Variants in TRHDE observed in about 807,000 individuals in gnomAD.
The protein encoded by TRHDE is thyrotropin releasing hormone degrading enzyme.
A neutral mutation model predicts 125.7 loss-of-function variants in TRHDE; 72 were observed. The ratio of observed to expected loss-of-function variants is 0.57; its 90% CI spans 0.47 to 0.70. TRHDE has a LOEUF of 0.70. Among genes scored for constraint, TRHDE ranks in the 30% least tolerant of loss-of-function variants. The probability of loss-of-function intolerance (pLI) is 0.00; values close to 1 mark genes in which losing one functional copy is unlikely to be tolerated. For missense variants in TRHDE, 1,110 were observed against 1,327.1 expected, an observed-to-expected ratio of 0.84 and a Z score of 2.54; for synonymous variants, 509 against 509.1, an observed-to-expected ratio of 1.00 and a Z score of 0.00.
At chr12:72,277,105 C>G (rs975203661) in intron 1 of TRHDE, among the ~76,000 whole-genome samples, 3 of 152,074 alleles carry the variant, frequency 2.0e-5, no homozygotes, top group Non-Finnish European at 4.4e-5. Flanking sequence ...TTAATAGGGT[C>G]TATAACATGC....
intron 2 of TRHDE, among the ~76,000 whole-genome samples, chr12:72,375,155 G>A (rs1043337883): frequency 6.6e-6 from 1 of 151,956 alleles, no homozygotes; most frequent in Non-Finnish European, 1.5e-5. Context: ...GGAAGGGAGG[G>A]TACATTGTTA....
chr12:72,121,714 A>G (rs999685900), intron 2 of TRHDE, among the ~76,000 whole-genome samples: 2 of 144,344 alleles, frequency 1.4e-5, no homozygotes, highest in African/African-American at 5.1e-5. Context: ...GTATTTACGA[A>G]GGTGCCTTTT....
chr12:72,511,364 G>T (rs1345523057), intron 6 of TRHDE, among the ~76,000 whole-genome samples: 1 of 152,002 alleles, frequency 6.6e-6, no homozygotes, highest in Non-Finnish European at 1.5e-5. Context: ...AGAACTACTA[G>T]CTTCTTAGGT....
rs188533677 is a variant in TRHDE at position 72,653,169 on chromosome 12, A to C, written c.2984+13A>C. ...TATTAAATACCAGGTAGAAATTAGA[A>C]TTCTTACTTGAATGAGTAAATTAAA... On this transcript the variant is annotated intron_variant, in intron 17 of 18. Coordinates refer to ENST00000261180, the MANE Select transcript of TRHDE (RefSeq NM_013381.3). The C allele has an allele frequency of 2.3e-5, 37 of 1,600,602 alleles. No homozygotes were observed. In the African/African-American group the frequency reaches 4.6e-4, roughly 20 times the overall value.
intron 15 of TRHDE, among the ~76,000 whole-genome samples, chr12:72,638,739 T>G (rs979728662): frequency 6.6e-6 from 1 of 151,638 alleles, no homozygotes; most frequent in Non-Finnish European, 1.5e-5. Context: ...GTCTGTAAAG[T>G]ATTTTATTTC....
intron 5 of TRHDE, among the ~76,000 whole-genome samples, chr12:72,490,008 TA>T (rs1161759209): frequency 6.6e-6 from 1 of 151,588 alleles, no homozygotes; most frequent in East Asian, 1.9e-4. Context: ...TACATCAAAC[TA>T]AAAAGCTTCT....
chr12:72,198,369 T>C (rs902737681), intron 2 of TRHDE, among the ~76,000 whole-genome samples: 3 of 152,136 alleles, frequency 2.0e-5, no homozygotes, highest in African/African-American at 7.2e-5. Context: ...TAATTGTCAA[T>C]TTTAAAATAA....
chr12:72,455,856 T>C (rs1875816875), intron 3 of TRHDE, among the ~76,000 whole-genome samples: 1 of 151,998 alleles, frequency 6.6e-6, no homozygotes, highest in African/African-American at 2.4e-5. Flanking sequence ...TTTTAATCTT[T>C]CTGTCTGCCT....
intron 2 of TRHDE, among the ~76,000 whole-genome samples, chr12:72,238,227 T>C (rs1397026436): frequency 2.2e-5 from 3 of 137,304 alleles, no homozygotes; most frequent in Non-Finnish European, 4.6e-5. Context: ...TGAGTGGTAC[T>C]GGGTGTGGAT....
intron 2 of TRHDE, among the ~76,000 whole-genome samples, chr12:72,295,176 C>T (rs994777417): frequency 2.0e-5 from 3 of 150,218 alleles, no homozygotes; most frequent in Non-Finnish European, 4.4e-5. Context: ...GGGTTGCAGA[C>T]GGGGCTCCTG....
intron 3 of TRHDE, among the ~76,000 whole-genome samples, chr12:72,430,309 GTATATA>G (rs1396324401): frequency 7.3e-6 from 1 of 137,314 alleles, no homozygotes; most frequent in African/African-American, 2.8e-5. Context: ...GTATATATAT[GTATATA>G]TACATGTATA....
chr12:72,111,035 C>T (rs1272701591), intron 2 of TRHDE, among the ~76,000 whole-genome samples: 1 of 152,064 alleles, frequency 6.6e-6, no homozygotes, highest in African/African-American at 2.4e-5. Context: ...GGTAATTGAC[C>T]AAGTCAACTT....
At chr12:72,377,591 G>A (rs1005459848) in intron 2 of TRHDE, among the ~76,000 whole-genome samples, 4 of 152,088 alleles carry the variant, frequency 2.6e-5, no homozygotes, top group African/African-American at 9.7e-5. Flanking sequence ...GATACAACCT[G>A]TCTTTAACAA....
chr12:72,199,990 T>C (rs1877522881), intron 2 of TRHDE, among the ~76,000 whole-genome samples: 1 of 152,230 alleles, frequency 6.6e-6, no homozygotes, highest in South Asian at 2.1e-4. Flanking sequence ...AGTGGTTATA[T>C]GCATGTGTAA....
At chr12:72,297,683 G>A (rs898179782) in intron 2 of TRHDE, among the ~76,000 whole-genome samples, 24 of 152,196 alleles carry the variant, frequency 1.6e-4, no homozygotes, top group Non-Finnish European at 2.9e-4. Flanking sequence ...TGGAGGAACA[G>A]TGGTGTAAAA....
At position 72,666,426 on chromosome 12, in the gene TRHDE, A is replaced by ATG. The variant is rs1434002816; in HGVS notation, c.*3231_*3232insTG. 1.3e-5 allele frequency: 2 copies of ATG among 151,976 alleles called. No homozygotes were observed. Among genetic ancestry groups the ATG allele is most frequent in the Non-Finnish European group, 2.9e-5 (2 of 67,988 alleles). The allele number at this position is 151,976 out of a possible 1,614,324, so 9.4% of individuals were successfully genotyped here. A position where few individuals can be genotyped will look rare whatever the true frequency, so the allele number is the denominator to read the frequency against. On this transcript the variant is annotated 3_prime_UTR_variant, in exon 19 of 19. Transcript: ENST00000261180. Reference sequence around the variant, plus strand: ...AAACTAGCCAGGCATGGTGGTGTGCACCTGTTGTCCCAGCTACTGGGGAGG... The same window carrying ATG: ...AAACTAGCCAGGCATGGTGGTGTGCATGCCTGTTGTCCCAGCTACTGGGGAGG...
chr12:72,171,469 T>TC (rs1354221758), intron 2 of TRHDE, among the ~76,000 whole-genome samples: 1 of 152,168 alleles, frequency 6.6e-6, no homozygotes, highest in Non-Finnish European at 1.5e-5. Context: ...ACATTGAGTC[T>TC]CCATTTGGGC....
chr12:72,166,360 C>CAT (rs1004616616), intron 2 of TRHDE, among the ~76,000 whole-genome samples: 2 of 152,062 alleles, frequency 1.3e-5, no homozygotes, highest in Middle Eastern at 3.4e-3. Flanking sequence ...TATATACACA[C>CAT]ATATATATAC....
chr12:72,402,804 C>A (rs888583323), intron 3 of TRHDE, among the ~76,000 whole-genome samples: 5 of 151,830 alleles, frequency 3.3e-5, no homozygotes, highest in Admixed American at 2.0e-4. Context: ...CTTTTTTGTC[C>A]TTTATTTCCT....
Sources: allele counts gnomAD v4.1 joint callset (sites outside exome capture counted in the v4.1 genomes callset), GRCh38; gene constraint gnomAD v4.1.1; transcripts MANE v1.5; gene names NCBI Gene and HGNC (gene_info 2026-07-23, HGNC 2026-07-21).